Variants in ELF3 observed in about 807,000 individuals in gnomAD.
The protein encoded by ELF3 is E74 like ETS transcription factor 3.
In ELF3, 18 loss-of-function variants were observed where a neutral mutation model predicts 43.9. That is an observed-to-expected ratio of 0.41 (90% CI 0.28 to 0.61). The LOEUF (loss-of-function observed/expected upper bound fraction) is 0.61, where lower values mean the gene tolerates loss of function less well. ELF3 is among the 20% of genes least tolerant of loss of function. ELF3 has a pLI of 0.30. For synonymous variants in ELF3, 181 were observed against 190.2 expected (o/e 0.95, Z 0.40); for missense variants, 373 against 487.7 (o/e 0.76, Z 2.21).
At position 202,013,112 on chromosome 1, in the gene ELF3, TC is replaced by T; in HGVS notation, c.689-68del. The T allele has an allele frequency of 6.2e-7, 1 of 1,602,494 alleles. No homozygotes were observed. The highest frequency in any genetic ancestry group is 8.5e-7 in the Non-Finnish European group (1 of 1,173,578). ...GGGCCCGGCTCTTCCTGCAGCCTTTTCCTGTAGAGGGGCTACTCTCCCTAAC... is the reference window on the plus strand; with the variant it reads ...GGGCCCGGCTCTTCCTGCAGCCTTTTCTGTAGAGGGGCTACTCTCCCTAAC... On this transcript the variant is annotated intron_variant, in intron 6 of 8. Coordinates refer to ENST00000367284, the MANE Select transcript of ELF3 (RefSeq NM_004433.5). The surrounding 1 kb of genome is among the most constrained non-coding windows in gnomAD (Gnocchi z 5.7).
rs1165917036 is a variant in ELF3 at position 202,012,989 on chromosome 1, G to T, written c.641G>T (p.Gly214Val). The T allele has an allele frequency of 6.2e-7, 1 of 1,613,882 alleles. No individual in the cohort carries two copies. Residue 214 changes from glycine to valine, a missense_variant, in exon 6 of 9, where the codon GGA (glycine) becomes GTA (valine). Gly to Val is a moderately radical substitution (Grantham distance 109, BLOSUM62 -3). Transcript: ENST00000367284. The surrounding 1 kb of genome is among the most constrained non-coding windows in gnomAD (Gnocchi z 4.2). The part of the protein sequence containing the change: ...SRSSHSSDSG[G>V]SDVDLDPTDG... ...AGCTCCCACTCCTCAGACTCCGGTG[G>T]AAGTGACGTGGACCTGGATCCCACT... is the stretch of plus-strand genomic sequence containing the variant.
In ELF3 at chr1:202,010,998, C is replaced by A; in HGVS notation, c.-8-131C>A. ...GAGCCCTTCTTGAAGAGACGGTGTCCGCAGAGTTGCTGATCTTCCTGCCCC... is the reference window on the plus strand; with the variant it reads ...GAGCCCTTCTTGAAGAGACGGTGTCAGCAGAGTTGCTGATCTTCCTGCCCC... On this transcript the variant is annotated intron_variant, in intron 1 of 8. Coordinates refer to ENST00000367284, the MANE Select transcript of ELF3 (RefSeq NM_004433.5). The surrounding 1 kb of genome is among the most constrained non-coding windows in gnomAD (Gnocchi z 4.3). 2 of 970,088 alleles carry A rather than the reference C, an allele frequency of 2.1e-6. No homozygotes were observed. Among genetic ancestry groups the A allele is most frequent in the Non-Finnish European group, 1.5e-6 (1 of 651,882 alleles). The allele number at this position is 970,088 out of a possible 1,614,324, so 60.1% of individuals were successfully genotyped here. A position where few individuals can be genotyped will look rare whatever the true frequency, so the allele number is the denominator to read the frequency against.
intron 1 of ELF3, 92 bp from the exon 2 acceptor site, chr1:202,011,037 T>G: frequency 6.9e-7 from 1 of 1,454,726 alleles, no homozygotes; most frequent in South Asian, 1.3e-5. Flanking sequence ...GGGCTACTCT[T>G]GCCCAGGGTT....
At position 202,013,094 on chromosome 1, in the gene ELF3, G is replaced by T; in HGVS notation, c.688+58G>T. The T allele has an allele frequency of 1.2e-6, 2 of 1,600,504 alleles. No homozygotes were observed. The highest frequency in any genetic ancestry group is 2.2e-5 in the East Asian group (1 of 44,704). On this transcript the variant is annotated intron_variant, in intron 6 of 8. Transcript: ENST00000367284. The surrounding 1 kb of genome is among the most constrained non-coding windows in gnomAD (Gnocchi z 5.7). The stretch of plus-strand genomic sequence containing the variant: ...CATTTAGCAATGCACAGGGGGCCCG[G>T]CTCTTCCTGCAGCCTTTTCCTGTAG...
In ELF3 at chr1:202,013,063, G is replaced by T. The variant is rs374969944; in HGVS notation, c.688+27G>T. The T allele has an allele frequency of 6.2e-7, 1 of 1,607,474 alleles. No individual in the cohort carries two copies. The highest frequency in any genetic ancestry group is 8.5e-7 in the Non-Finnish European group (1 of 1,176,884). On this transcript the variant is annotated intron_variant, in intron 6 of 8. Transcript: ENST00000367284. The surrounding 1 kb of genome is among the most constrained non-coding windows in gnomAD (Gnocchi z 5.7). ...TGAGTCGAGGGAGGTCCCCAAGAGGGCGTCCCATTTAGCAATGCACAGGGG... is the reference window on the plus strand; with the variant it reads ...TGAGTCGAGGGAGGTCCCCAAGAGGTCGTCCCATTTAGCAATGCACAGGGG...
In ELF3 at chr1:202,013,633, G is replaced by T; in HGVS notation, c.806-196G>T. 3.1e-6 allele frequency: 2 copies of T among 650,862 alleles called. No individual in the cohort carries two copies. Among genetic ancestry groups the T allele is most frequent in the Non-Finnish European group, 5.3e-6 (2 of 377,296 alleles). The allele number at this position is 650,862 out of a possible 1,614,324, so 40.3% of individuals were successfully genotyped here. A position where few individuals can be genotyped will look rare whatever the true frequency, so the allele number is the denominator to read the frequency against. The stretch of plus-strand genomic sequence containing the variant: ...CTCTGGGACACCCTCAATGTGAGGA[G>T]GCAGCTGGTGGGTCTTAGGTGGGCT... On this transcript the variant is annotated intron_variant, in intron 7 of 8. Transcript: ENST00000367284. The surrounding 1 kb of genome is among the most constrained non-coding windows in gnomAD (Gnocchi z 5.7).
intron 8 of ELF3, among the ~76,000 whole-genome samples, chr1:202,014,701 G>A (rs573289060): frequency 7.2e-5 from 11 of 152,222 alleles, no homozygotes; most frequent in South Asian, 2.1e-4. Context: ...TCTGCCTGCC[G>A]GGTTCAAGTG....
chr1:202,013,818 TG>T lies in ELF3; in HGVS notation c.806-9del. The stretch of plus-strand genomic sequence containing the variant: ...ACCTGGATGGCAAACTGATGGAGGC[TG>T]GCCTTGCAGCGCCCAGAGGCACCCA... On this transcript the variant is annotated splice_polypyrimidine_tract_variant and intron_variant, in intron 7 of 8. Coordinates refer to ENST00000367284, the MANE Select transcript of ELF3 (RefSeq NM_004433.5). The surrounding 1 kb of genome is among the most constrained non-coding windows in gnomAD (Gnocchi z 5.7). 6.2e-7 allele frequency: 1 copy of T among 1,604,104 alleles called. No individual in the cohort carries two copies. The highest frequency in any genetic ancestry group is 8.5e-7 in the Non-Finnish European group (1 of 1,172,676).
intron 2 of ELF3, 185 bp downstream of exon 2, chr1:202,011,484 T>C (rs1211310256): frequency 4.3e-6 from 3 of 694,424 alleles, no homozygotes; most frequent in Admixed American, 3.5e-5. Context: ...AGGTGTCAGA[T>C]ACCAGGACAA....
rs1238964678 is a variant in ELF3, at chr1:202,015,701, G to C, written c.*378G>C. On this transcript the variant is annotated 3_prime_UTR_variant, in exon 9 of 9. Coordinates refer to ENST00000367284, the MANE Select transcript of ELF3 (RefSeq NM_004433.5). Reference sequence around the variant, plus strand: ...CCCTAGGGGAGCACCGTGATGGAGAGGACAGAGCAGGGGCTCCAGCACCTT... The same window carrying C: ...CCCTAGGGGAGCACCGTGATGGAGACGACAGAGCAGGGGCTCCAGCACCTT... 2 of 228,542 alleles carry C rather than the reference G, an allele frequency of 8.8e-6. No homozygotes were observed. Among genetic ancestry groups the C allele is most frequent in the Admixed American group, 4.8e-5 (1 of 20,806 alleles). The allele number at this position is 228,542 out of a possible 1,614,324, so 14.2% of individuals were successfully genotyped here. A position where few individuals can be genotyped will look rare whatever the true frequency, so the allele number is the denominator to read the frequency against.
chr1:202,011,835 C>T lies in ELF3; in HGVS notation c.164-122C>T, dbSNP rs979380057. ...GAGGTTGCTGTGAGCCGAGATTGTG[C>T]CATTGCACCCCAGCCTAGGTGACAG... On this transcript the variant is annotated intron_variant, in intron 2 of 8. Transcript: ENST00000367284. 4 of 941,190 alleles carry T rather than the reference C, an allele frequency of 4.2e-6. No homozygotes were observed. The African/African-American group carries it at 6.6e-5, about 16-fold the overall frequency. 58.3% of individuals were successfully genotyped at this position (941,190 alleles called of 1,614,324 possible).
At chr1:202,011,349 C>A in intron 2 of ELF3, 50 bp downstream of exon 2, 1 of 1,500,714 alleles carries the variant, frequency 6.7e-7, no homozygotes, top group South Asian at 1.4e-5. Context: ...ACAGATCCAT[C>A]TAAGGGCCTG....
Position 202,011,129 on chromosome 1 carries a change from G to T in ELF3, c.-8G>T. The T allele has an allele frequency of 6.2e-7, 1 of 1,613,942 alleles. No homozygotes were observed. ...TCATCCTCTCTCCCCCTACCCACAG[G>T]TAGCCTCATGGCTGCAACCTGTGAG... On this transcript the variant is annotated splice_region_variant and 5_prime_UTR_variant, in exon 2 of 9. Coordinates refer to ENST00000367284, the MANE Select transcript of ELF3 (RefSeq NM_004433.5).
At position 202,013,175 on chromosome 1, in the gene ELF3, C is replaced by T. The variant is rs201204329; in HGVS notation, c.689-7C>T. On this transcript the variant is annotated splice_polypyrimidine_tract_variant and splice_region_variant and intron_variant, in intron 6 of 8. Coordinates refer to ENST00000367284, the MANE Select transcript of ELF3 (RefSeq NM_004433.5). This position sits in a 1 kb window ranked among gnomAD's most constrained non-coding sequence, Gnocchi z 5.7. The stretch of plus-strand genomic sequence containing the variant: ...CCCTCCTTGACCTTCCACCACCGTC[C>T]CCACAGATGGTTTTCGTGACTGCAA... 1.9e-6 allele frequency: 3 copies of T among 1,613,946 alleles called. No individual in the cohort carries two copies. In the African/African-American group the frequency reaches 4.0e-5, roughly 22 times the overall value.
In ELF3 at chr1:202,012,216, C is replaced by T. The variant is rs777184146; in HGVS notation, c.385+38C>T. The T allele has an allele frequency of 1.9e-6, 3 of 1,608,606 alleles. No individual in the cohort carries two copies. In the African/African-American group the frequency reaches 4.0e-5, roughly 22 times the overall value. On this transcript the variant is annotated intron_variant, in intron 3 of 8. Transcript: ENST00000367284. This position sits in a 1 kb window ranked among gnomAD's most constrained non-coding sequence, Gnocchi z 4.2. ...CCCTGGAGGCTGGGGAGCAGCTCCA[C>T]ATGTTGAGCTGAGTCGAGTTCAGTG...
chr1:202,013,008 T>A lies in ELF3; in HGVS notation c.660T>A (p.Asp220Glu). Residue 220 changes from aspartate (D) to glutamate (E), a missense_variant, in exon 6 of 9, where the codon GAT becomes GAA. Transcript: ENST00000367284. The surrounding 1 kb of genome is among the most constrained non-coding windows in gnomAD (Gnocchi z 5.7). ...CCGGTGGAAGTGACGTGGACCTGGATCCCACTGATGGCAAGCTCTTCCCCA... is the reference window on the plus strand; with the variant it reads ...CCGGTGGAAGTGACGTGGACCTGGAACCCACTGATGGCAAGCTCTTCCCCA... The part of the protein sequence containing the change: ...SDSGGSDVDL[D>E]PTDGKLFPSD... 1.2e-6 allele frequency: 2 copies of A among 1,613,802 alleles called. No individual in the cohort carries two copies. The highest frequency in any genetic ancestry group is 1.7e-6 in the Non-Finnish European group (2 of 1,179,868).
rs561392931 is a variant in ELF3, at chr1:202,016,485, G to C, written c.*1162G>C. 6.8e-6 allele frequency: 1 copy of C among 146,576 alleles called. No individual in the cohort carries two copies. Among genetic ancestry groups the C allele is most frequent in the African/African-American group, 2.5e-5 (1 of 39,542 alleles). The allele number at this position is 146,576 out of a possible 1,614,324, so 9.1% of individuals were successfully genotyped here. A position where few individuals can be genotyped will look rare whatever the true frequency, so the allele number is the denominator to read the frequency against. ...ATCTGTAATATGAATCCCAGCTTTTGAGTCTGACAAAATCAGAGTTAGGAT... is the reference window on the plus strand; with the variant it reads ...ATCTGTAATATGAATCCCAGCTTTTCAGTCTGACAAAATCAGAGTTAGGAT... On this transcript the variant is annotated 3_prime_UTR_variant, in exon 9 of 9. Coordinates refer to ENST00000367284, the MANE Select transcript of ELF3 (RefSeq NM_004433.5).
Position 202,011,987 on chromosome 1 carries a change from A to G in ELF3, c.194A>G (p.Gln65Arg), listed in dbSNP as rs781051360. The G allele has an allele frequency of 6.2e-7, 1 of 1,614,024 alleles. No homozygotes were observed. The highest frequency in any genetic ancestry group is 8.5e-7 in the Non-Finnish European group (1 of 1,180,026). The change falls in exon 3 of 9, where the codon CAG becomes CGG. Residue 65 changes from glutamine to arginine, a missense_variant. Around this residue, in one of 3 missense-constraint regions of ELF3, gnomAD observed 311 missense variants for 351.2 expected, o/e 0.89. Transcript: ENST00000367284. ...GCCAGCTGGTTGGGGGAACAGCCCC[A>G]GTTCTGGTCGAAGACGCAGGTTCTG... ...EKASWLGEQP[Q>R]FWSKTQVLDW...
Position 202,016,166 on chromosome 1 carries a change from G to C in ELF3, c.*843G>C, listed in dbSNP as rs1225398305. 1.3e-5 allele frequency: 2 copies of C among 152,930 alleles called. No homozygotes were observed. The highest frequency in any genetic ancestry group is 2.9e-5 in the Non-Finnish European group (2 of 68,294). The allele number at this position is 152,930 out of a possible 1,614,324, so 9.5% of individuals were successfully genotyped here. ...TTCCTGTAGCAGGTGTGGGCTTACA[G>C]ACACATGGACTGGGCTGGGAGGCGA... On this transcript the variant is annotated 3_prime_UTR_variant, in exon 9 of 9. Transcript: ENST00000367284.
Sources: allele counts gnomAD v4.1 joint callset (sites outside exome capture counted in the v4.1 genomes callset), GRCh38; gene constraint gnomAD v4.1.1; regional missense constraint gnomAD v4.1.1; non-coding constraint Gnocchi (gnomAD v3.1); transcripts MANE v1.5; gene names NCBI Gene and HGNC (gene_info 2026-07-23, HGNC 2026-07-21).